Variants in LMO7 observed in about 807,000 individuals in gnomAD.
The protein encoded by LMO7 is LIM domain 7.
A neutral mutation model predicts 206.5 loss-of-function variants in LMO7; 120 were observed. That is an observed-to-expected ratio of 0.58 (90% CI 0.50 to 0.68). The LOEUF (loss-of-function observed/expected upper bound fraction) is 0.68, where lower values mean the gene tolerates loss of function less well. Ranked by LOEUF, LMO7 falls within the 30% of genes least tolerant of loss-of-function variation. The pLI is 0.00. For missense variants in LMO7, 1,959 were observed against 1,957.9 expected (o/e 1.00, Z -0.01); for synonymous variants, 706 against 681.5 (o/e 1.04, Z -0.56).
rs199685242 is a variant in LMO7, at chr13:75,823,683, G to T, written c.2759G>T (p.Ser920Ile). The change falls in exon 15 of 31, where the codon AGC becomes ATC. Residue 920 changes from serine to isoleucine, a missense_variant. Ser to Ile is a moderately radical substitution (Grantham distance 142). Coordinates refer to ENST00000377534, the MANE Select transcript of LMO7 (RefSeq NM_001306080.2). The part of the protein sequence containing the change: ...DASQLASSLS[S>I]QKEVAATEED... Reference sequence around the variant, plus strand: ...AGCCAACTGGCTTCAAGCTTATCTAGCCAGAAAGAGGTAGCAGCAACAGAA... The same window carrying T: ...AGCCAACTGGCTTCAAGCTTATCTATCCAGAAAGAGGTAGCAGCAACAGAA... 3.8e-4 allele frequency: 618 copies of T among 1,614,186 alleles called. 12 individuals carry two copies. The South Asian group carries it at 6.4e-3, about 17-fold the overall frequency.
At chr13:75,763,885 A>G (rs1293553411) in intron 4 of LMO7, among the ~76,000 whole-genome samples, 1 of 151,506 alleles carries the variant, frequency 6.6e-6, no homozygotes, top group African/African-American at 2.4e-5. Flanking sequence ...TAGTTTCAAT[A>G]ATCCAGGACT....
chr13:75,732,088 T>C (rs2045302193), intron 3 of LMO7, among the ~76,000 whole-genome samples: 1 of 152,142 alleles, frequency 6.6e-6, no homozygotes. Flanking sequence ...TTAGTGAATC[T>C]GACAATTATG....
chr13:75,816,155 G>A (rs2056967243), intron 11 of LMO7, among the ~76,000 whole-genome samples: 2 of 152,192 alleles, frequency 1.3e-5, no homozygotes, highest in African/African-American at 4.8e-5. Context: ...AGCTAGCTAA[G>A]CTAGGAATTC....
chr13:75,838,509 G>T, intron 20 of LMO7: 2 of 388,032 alleles, frequency 5.2e-6, no homozygotes, highest in South Asian at 3.1e-5. Flanking sequence ...TGTTTCCACT[G>T]GGTAACAGTA....
chr13:75,760,877 AC>A (rs778876800), intron 3 of LMO7, 54 bp from the exon 4 acceptor site: 5 of 1,604,692 alleles, frequency 3.1e-6, no homozygotes, highest in Non-Finnish European at 4.3e-6. Flanking sequence ...AAAATTTGTA[AC>A]CTTTGTCTGA....
intron 3 of LMO7, among the ~76,000 whole-genome samples, chr13:75,741,167 G>A (rs922831738): frequency 2.0e-5 from 3 of 152,086 alleles, no homozygotes; most frequent in African/African-American, 7.2e-5. Context: ...CAAAGGGAGG[G>A]TGAGCCACTC....
Position 75,664,219 on chromosome 13 carries a change from T to TATTTATAAAAAATAAATATTA in LMO7, c.69+27505_69+27525dup, listed in dbSNP as rs1411141198. Among the ~76,000 whole-genome samples the TATTTATAAAAAATAAATATTA allele has an allele frequency of 8.2e-4, 125 of 152,182 alleles. 1 individual carries two copies. The highest frequency in any genetic ancestry group is 2.8e-3 in the African/African-American group (118 of 41,540). On this transcript the variant is annotated intron_variant, in intron 1 of 30. Transcript: ENST00000377534. ...TGTTTTAATTTTTACCTCCCACAAATATTTATAAAAAATAAATATTAATTT... is the reference window on the plus strand; with the variant it reads ...TGTTTTAATTTTTACCTCCCACAAATATTTATAAAAAATAAATATTAATTTATAAAAAATAAATATTAATTT...
chr13:75,752,831 C>G (rs904980780), intron 3 of LMO7, among the ~76,000 whole-genome samples: 1 of 152,190 alleles, frequency 6.6e-6, no homozygotes, highest in African/African-American at 2.4e-5. Context: ...TCCAGTCCTT[C>G]ATTGATGGAC....
At chr13:75,634,835 G>A (rs1011764739), upstream of LMO7, among the ~76,000 whole-genome samples, 3 of 150,998 alleles carry the variant, frequency 2.0e-5, no homozygotes, top group African/African-American at 4.9e-5. Context: ...GTGAAACCCC[G>A]TCTCTACTAA....
At chr13:75,737,182 AAC>A (rs2045896334) in intron 3 of LMO7, among the ~76,000 whole-genome samples, 1 of 152,128 alleles carries the variant, frequency 6.6e-6, no homozygotes, top group African/African-American at 2.4e-5. Context: ...GGCCTGTGAA[AAC>A]ACAGACACAC....
At chr13:75,744,139 C>T (rs1040725216) in intron 3 of LMO7, among the ~76,000 whole-genome samples, 1 of 152,138 alleles carries the variant, frequency 6.6e-6, no homozygotes, top group Admixed American at 6.5e-5. Flanking sequence ...TAGGAAATTT[C>T]CTTGAGTCTC....
intron 3 of LMO7, among the ~76,000 whole-genome samples, chr13:75,737,569 C>T (rs1434698125): frequency 3.5e-4 from 52 of 147,640 alleles, no homozygotes; most frequent in African/African-American, 1.1e-3. Flanking sequence ...CTGGCTAACA[C>T]GGTGAAACCC....
intron 1 of LMO7, among the ~76,000 whole-genome samples, chr13:75,709,516 T>C (rs1486720326): frequency 6.6e-6 from 1 of 152,124 alleles, no homozygotes. Context: ...GGTATCTCAT[T>C]GTGGTTTTGA....
At chr13:75,735,501 C>A (rs34545980) in intron 3 of LMO7, among the ~76,000 whole-genome samples, 64,643 of 152,012 alleles carry the variant, frequency 0.43, 14,026 homozygotes, top group East Asian at 0.61. Flanking sequence ...CTCACTCTGT[C>A]GCTGGGCTGG....
intron 27 of LMO7, among the ~76,000 whole-genome samples, chr13:75,851,533 C>T (rs867033402): frequency 6.6e-6 from 1 of 152,066 alleles, no homozygotes; most frequent in Non-Finnish European, 1.5e-5. Context: ...AGTCTTTCTC[C>T]TTATGATAAT....
At chr13:75,648,619 C>T (rs537301261) in intron 1 of LMO7, among the ~76,000 whole-genome samples, 23 of 152,292 alleles carry the variant, frequency 1.5e-4, no homozygotes, top group Non-Finnish European at 1.5e-4. Flanking sequence ...AGTGATTGGA[C>T]TTAATATGGC....
At chr13:75,637,340 AG>A in intron 1 of LMO7, among the ~76,000 whole-genome samples, 2 of 150,328 alleles carry the variant, frequency 1.3e-5, no homozygotes, top group Admixed American at 1.3e-4. Flanking sequence ...CTGAGATCCT[AG>A]GATCATTCGC....
chr13:75,755,232 G>A (rs1161220319), intron 3 of LMO7, among the ~76,000 whole-genome samples: 1 of 152,146 alleles, frequency 6.6e-6, no homozygotes, highest in East Asian at 1.9e-4. Context: ...TTACTCATGA[G>A]TCTTCTGGAG....
At chr13:75,811,220 T>G (rs1438730837) in intron 11 of LMO7, among the ~76,000 whole-genome samples, 7 of 150,468 alleles carry the variant, frequency 4.7e-5, no homozygotes, top group Admixed American at 4.6e-4. Flanking sequence ...TTTTTTTTTT[T>G]TTTTTTAAGA....
Sources: allele counts gnomAD v4.1 joint callset (sites outside exome capture counted in the v4.1 genomes callset), GRCh38; gene constraint gnomAD v4.1.1; transcripts MANE v1.5; gene names NCBI Gene and HGNC (gene_info 2026-07-23, HGNC 2026-07-21).